SYTL5: variants seen among roughly 807,000 people sequenced by gnomAD.
The protein encoded by SYTL5 is synaptotagmin-like protein 5.
In SYTL5, 34 loss-of-function variants were observed where a neutral mutation model predicts 55.9. The ratio of observed to expected loss-of-function variants is 0.61; its 90% confidence interval spans 0.46 to 0.81. SYTL5 has a LOEUF of 0.81. Among genes scored for constraint, SYTL5 ranks in the 30% least tolerant of loss-of-function variants. The pLI is 0.00. For synonymous variants in SYTL5, 221 were observed against 188.7 expected, an observed-to-expected ratio of 1.17 and a Z score of -1.40; for missense variants, 637 against 546.7, an observed-to-expected ratio of 1.17 and a Z score of -1.65.
At chrX:38,049,768 T>C (rs1177059215) in intron 2 of SYTL5, among the ~76,000 whole-genome samples, 3 of 112,146 alleles carry the variant, frequency 2.7e-5, no homozygotes, top group African/African-American at 9.7e-5. Flanking sequence ...GAACAGATAT[T>C]GGGAAACACA....
intron 10 of SYTL5, among the ~76,000 whole-genome samples, chrX:38,104,506 T>A (rs1296199811): frequency 8.9e-6 from 1 of 112,032 alleles, no homozygotes; most frequent in African/African-American, 3.2e-5. Flanking sequence ...CTGGCTTTCT[T>A]TAAGCTGTAA....
rs1363889950 is a variant in SYTL5, at chrX:38,054,475, G to A, written c.329+53G>A. 3.7e-6 allele frequency: 4 copies of A among 1,079,956 alleles called. No homozygotes were observed. The African/African-American group carries it at 7.4e-5, about 20-fold the overall frequency. 89.0% of individuals were successfully genotyped at this position (1,079,956 alleles called of 1,213,427 possible). A position where few individuals can be genotyped will look rare whatever the true frequency, so the allele number is the denominator to read the frequency against. ...TGGAGATTGATGACTGAAGGGATTGGAGTGGGGAAGGCAAAAGAGAAAAAG... is the reference window on the plus strand; with the variant it reads ...TGGAGATTGATGACTGAAGGGATTGAAGTGGGGAAGGCAAAAGAGAAAAAG... On this transcript the variant is annotated intron_variant, in intron 3 of 16. Coordinates refer to ENST00000297875, the MANE Select transcript of SYTL5 (RefSeq NM_138780.3).
At chrX:38,073,035 T>C (rs756818395) in intron 4 of SYTL5, among the ~76,000 whole-genome samples, 2 of 111,545 alleles carry the variant, frequency 1.8e-5, no homozygotes, top group East Asian at 2.8e-4. Context: ...AGGAAAGGCT[T>C]TTCCACATAG....
intron 9 of SYTL5, among the ~76,000 whole-genome samples, chrX:38,101,074 G>A (rs1338728979): frequency 9.0e-6 from 1 of 111,107 alleles, no homozygotes; most frequent in East Asian, 2.8e-4. Flanking sequence ...AGCAAAAAAA[G>A]CAAAACTCAA....
chrX:37,899,839 G>C, the SYTL5 span, among the ~76,000 whole-genome samples: 2 of 111,101 alleles, frequency 1.8e-5, no homozygotes, highest in African/African-American at 6.6e-5. Context: ...TTAATGCCAA[G>C]ATGTTATAGA....
the SYTL5 span, among the ~76,000 whole-genome samples, chrX:37,974,802 G>C: frequency 8.9e-6 from 1 of 112,302 alleles, no homozygotes; most frequent in Non-Finnish European, 1.9e-5. Context: ...TTAAGTAAAA[G>C]AATAGGCAAC....
chrX:38,076,870 C>A (rs1340998479), intron 6 of SYTL5, among the ~76,000 whole-genome samples, 169 bp downstream of exon 6: 1 of 111,402 alleles, frequency 9.0e-6, no homozygotes, highest in Non-Finnish European at 1.9e-5. Context: ...AAGCACGTAC[C>A]CTACTTCTAG....
At chrX:38,013,542 A>G (rs1028529588) in intron 1 of SYTL5, among the ~76,000 whole-genome samples, 12 of 111,793 alleles carry the variant, frequency 1.1e-4, no homozygotes, top group African/African-American at 3.6e-4. Flanking sequence ...TTTTCTATGT[A>G]ACCAAGGCAT....
chrX:38,088,228 C>T (rs1468765811), intron 6 of SYTL5, among the ~76,000 whole-genome samples: 1 of 111,635 alleles, frequency 9.0e-6, no homozygotes, highest in African/African-American at 3.3e-5. Context: ...GATTTATCTT[C>T]TAGTAATGAT....
the SYTL5 span, among the ~76,000 whole-genome samples, chrX:37,964,684 T>C: frequency 1.8e-5 from 2 of 111,756 alleles, no homozygotes; most frequent in Admixed American, 1.9e-4. Flanking sequence ...CTTCTTCAAA[T>C]GTTTGGTAGA....
chrX:37,940,756 A>AT, the SYTL5 span, among the ~76,000 whole-genome samples: 4 of 110,468 alleles, frequency 3.6e-5, no homozygotes, highest in African/African-American at 1.3e-4. Context: ...CTGTCTTCTG[A>AT]TTAAATTTTG....
chrX:37,898,589 G>C, the SYTL5 span, among the ~76,000 whole-genome samples: 2 of 111,963 alleles, frequency 1.8e-5, no homozygotes, highest in Non-Finnish European at 3.8e-5. Flanking sequence ...ATTATCTTGT[G>C]ATTTCTCTCT....
chrX:37,947,071 C>T, the SYTL5 span, among the ~76,000 whole-genome samples: 1 of 111,033 alleles, frequency 9.0e-6, no homozygotes, highest in Non-Finnish European at 1.9e-5. Context: ...TTCCTCCTCT[C>T]CTTAAACTTT....
rs1190753556 is a variant in SYTL5, at chrX:38,103,170, A to G, written c.1155+736A>G. 8 of 700,904 alleles carry G rather than the reference A, an allele frequency of 1.1e-5. No individual in the cohort carries two copies. The South Asian group carries it at 1.7e-4, about 15-fold the overall frequency. The allele number at this position is 700,904 out of a possible 1,213,427, so 57.8% of individuals were successfully genotyped here. On this transcript the variant is annotated intron_variant, in intron 10 of 16. Transcript: ENST00000297875. The stretch of plus-strand genomic sequence containing the variant: ...ATGGTCTGGGAACTATGATTAAGCA[A>G]TTTGTCCCACATTTATCTTTTTCCG...
At chrX:38,048,093 G>A (rs1318932426) in intron 2 of SYTL5, among the ~76,000 whole-genome samples, 1 of 110,399 alleles carries the variant, frequency 9.1e-6, no homozygotes, top group Non-Finnish European at 1.9e-5. Context: ...GGCTGAGGCA[G>A]GAGAATGGCA....
intron 9 of SYTL5, among the ~76,000 whole-genome samples, chrX:38,097,486 A>G (rs1211728351): frequency 2.7e-5 from 3 of 111,015 alleles, no homozygotes; most frequent in Non-Finnish European, 3.8e-5. Flanking sequence ...TTTCAAAAGT[A>G]AGGAATAAAT....
At chrX:38,065,741 TC>T (rs1936079178) in intron 3 of SYTL5, among the ~76,000 whole-genome samples, 1 of 111,982 alleles carries the variant, frequency 8.9e-6, no homozygotes, top group African/African-American at 3.3e-5. Flanking sequence ...TCCTTGTTTG[TC>T]TTCTTCACCT....
the SYTL5 span, among the ~76,000 whole-genome samples, chrX:37,912,986 A>C: frequency 9.0e-6 from 1 of 111,559 alleles, no homozygotes; most frequent in Non-Finnish European, 1.9e-5. Flanking sequence ...AGTGAGAGGT[A>C]ATTGTGTTGT....
At chrX:38,081,007 A>G (rs1026817298) in intron 6 of SYTL5, among the ~76,000 whole-genome samples, 3 of 112,250 alleles carry the variant, frequency 2.7e-5, no homozygotes, top group Non-Finnish European at 5.6e-5. Context: ...GCTTAAAAAA[A>G]TGTTCAAATG....
Sources: gnomAD v4.1 joint callset for allele counts (sites outside exome capture counted in the v4.1 genomes callset) on GRCh38, gnomAD v4.1.1 for gene constraint, MANE v1.5 for transcripts, NCBI Gene and HGNC (gene_info 2026-07-23, HGNC 2026-07-21) for gene names.